LYPD6B: variants seen among roughly 807,000 people sequenced by gnomAD.
LYPD6B encodes the protein LY6/PLAUR domain containing 6B.
Under a neutral mutation model 22.8 loss-of-function variants are expected in LYPD6B, and 17 were observed. The observed-to-expected ratio is 0.75, with a 90% CI of 0.51 to 1.12. LYPD6B has a LOEUF of 1.12. Among genes scored for constraint, LYPD6B ranks in the 50% most tolerant of loss-of-function variants. The pLI is 0.00. For missense variants in LYPD6B, 221 were observed against 258.3 expected (o/e 0.86, Z 0.99); for synonymous variants, 106 against 91.6 (o/e 1.16, Z -0.90).
intron 3 of LYPD6B, among the ~76,000 whole-genome samples, chr2:149,201,216 A>G (rs928208134): frequency 1.3e-5 from 2 of 152,234 alleles, no homozygotes; most frequent in African/African-American, 2.4e-5. Flanking sequence ...TACTCCACCC[A>G]GAGGGAAAAC....
Position 149,078,445 on chromosome 2 carries a change from C to G in LYPD6B, c.-67+39644C>G, listed in dbSNP as rs148324347. Among the ~76,000 whole-genome samples the G allele has an allele frequency of 8.5e-5, 13 of 152,174 alleles. No homozygotes were observed. The East Asian group carries it at 2.5e-3, about 29-fold the overall frequency. On this transcript the variant is annotated intron_variant, in intron 1 of 6. Coordinates refer to ENST00000409642, the MANE Select transcript of LYPD6B (RefSeq NM_177964.5). ...AATACAGTCTCTGAAGTTACCTGGT[C>G]CTTTGGGGGTTAAATCAGTGACCTT...
At chr2:149,205,645 C>G (rs886070229) in intron 4 of LYPD6B, among the ~76,000 whole-genome samples, 1 of 152,120 alleles carries the variant, frequency 6.6e-6, no homozygotes, top group African/African-American at 2.4e-5. Flanking sequence ...TTAAAAAAAA[C>G]TTTTGGAGCA....
At chr2:149,120,385 T>TA (rs56118666) in intron 1 of LYPD6B, among the ~76,000 whole-genome samples, 7,191 of 52,196 alleles carry the variant, frequency 0.14, 357 homozygotes, top group South Asian at 0.17. Context: ...ATATATATAT[T>TA]TTTTTTTTTT....
intron 2 of LYPD6B, among the ~76,000 whole-genome samples, chr2:149,135,622 A>C (rs1016304964): frequency 1.2e-4 from 18 of 144,486 alleles, no homozygotes; most frequent in Admixed American, 2.9e-4. Context: ...CAGGAGGCTG[A>C]GGCAGGAGAA....
At chr2:149,085,542 G>C (rs1414841949) in intron 1 of LYPD6B, among the ~76,000 whole-genome samples, 1 of 152,166 alleles carries the variant, frequency 6.6e-6, no homozygotes. Flanking sequence ...TTAGGTAATT[G>C]ACAAGTTCTG....
At chr2:149,142,903 C>T (rs182011108) in intron 2 of LYPD6B, among the ~76,000 whole-genome samples, 9 of 152,160 alleles carry the variant, frequency 5.9e-5, no homozygotes, top group Admixed American at 2.0e-4. Flanking sequence ...GAGTAACCTT[C>T]GTTTTAGAAA....
At chr2:149,132,290 C>A (rs1310141422) in intron 2 of LYPD6B, among the ~76,000 whole-genome samples, 5 of 149,530 alleles carry the variant, frequency 3.3e-5, no homozygotes, top group African/African-American at 4.9e-5. Flanking sequence ...ACCCAGGGAG[C>A]CTGGGACAGA....
chr2:149,208,530 C>T, intron 5 of LYPD6B, 118 bp downstream of exon 5: 2 of 777,220 alleles, frequency 2.6e-6, no homozygotes, highest in Non-Finnish European at 4.2e-6. Flanking sequence ...GGACATCAGA[C>T]TATATTGAGA....
At chr2:149,074,665 A>G (rs1684799030) in intron 1 of LYPD6B, among the ~76,000 whole-genome samples, 2 of 152,258 alleles carry the variant, frequency 1.3e-5, no homozygotes, top group South Asian at 4.1e-4. Flanking sequence ...AGGTAGCTAA[A>G]TGAAGGGAGG....
intron 3 of LYPD6B, among the ~76,000 whole-genome samples, chr2:149,176,689 T>G (rs571214981): frequency 1.3e-5 from 2 of 152,304 alleles, no homozygotes; most frequent in Admixed American, 6.5e-5. Flanking sequence ...TCTGATGTTT[T>G]ACTTTGGTGG....
chr2:149,187,382 G>A, intron 3 of LYPD6B: 1 of 1,469,860 alleles, frequency 6.8e-7, no homozygotes, highest in East Asian at 2.7e-5. Context: ...CTCTGCCATG[G>A]TCCCATGACT....
chr2:149,064,762 T>A (rs1234410042), intron 1 of LYPD6B, among the ~76,000 whole-genome samples: 1 of 152,150 alleles, frequency 6.6e-6, no homozygotes, highest in Non-Finnish European at 1.5e-5. Flanking sequence ...ACCTGGAGGC[T>A]GGTGGGAATT....
intron 1 of LYPD6B, among the ~76,000 whole-genome samples, chr2:149,072,397 C>T (rs1349607320): frequency 6.6e-6 from 1 of 151,252 alleles, no homozygotes; most frequent in Non-Finnish European, 1.5e-5. Context: ...GGATAATAAA[C>T]AAACACGTAA....
chr2:149,072,638 G>A (rs1258391174), intron 1 of LYPD6B, among the ~76,000 whole-genome samples: 2 of 151,924 alleles, frequency 1.3e-5, no homozygotes, highest in Non-Finnish European at 2.9e-5. Context: ...CAAGGTTTAA[G>A]CGATTCTTGT....
chr2:149,082,895 A>G (rs1361719856), intron 1 of LYPD6B, among the ~76,000 whole-genome samples: 1 of 151,958 alleles, frequency 6.6e-6, no homozygotes, highest in Non-Finnish European at 1.5e-5. Flanking sequence ...CTCCCTTTCT[A>G]CCCCATTGCC....
chr2:149,133,882 C>T (rs1043677598), intron 2 of LYPD6B, among the ~76,000 whole-genome samples: 3 of 152,098 alleles, frequency 2.0e-5, no homozygotes, highest in African/African-American at 4.8e-5. Context: ...GCTGTAGTTA[C>T]AGCAGTGAAC....
At chr2:149,179,962 ATTTAT>A (rs1691590884) in intron 3 of LYPD6B, among the ~76,000 whole-genome samples, 1 of 152,090 alleles carries the variant, frequency 6.6e-6, no homozygotes, top group African/African-American at 2.4e-5. Flanking sequence ...TATCACTTTT[ATTTAT>A]TTTATTTTTC....
chr2:149,153,570 A>T (rs1689506925), intron 2 of LYPD6B, among the ~76,000 whole-genome samples: 2 of 152,056 alleles, frequency 1.3e-5, no homozygotes, highest in Admixed American at 6.6e-5. Context: ...AGATCAGGAG[A>T]TTGAGACCAT....
At chr2:149,201,921 TA>T (rs1184678919) in intron 3 of LYPD6B, among the ~76,000 whole-genome samples, 1 of 152,190 alleles carries the variant, frequency 6.6e-6, no homozygotes, top group African/African-American at 2.4e-5. Flanking sequence ...CTGGGATCAT[TA>T]CATATGTTGC....
Sources: gnomAD v4.1 joint callset for allele counts (sites outside exome capture counted in the v4.1 genomes callset) on GRCh38, gnomAD v4.1.1 for gene constraint, MANE v1.5 for transcripts, NCBI Gene and HGNC (gene_info 2026-07-23, HGNC 2026-07-21) for gene names.